CKAP5: variants seen among roughly 807,000 people sequenced by gnomAD.
CKAP5 encodes cytoskeleton associated protein 5, also known as cytoskeleton-associated protein 5.
A neutral mutation model predicts 232.8 loss-of-function variants in CKAP5; 27 were observed. The observed-to-expected ratio is 0.12, with a 90% CI of 0.09 to 0.16. The LOEUF is 0.16. CKAP5 is among the 10% of genes least tolerant of loss of function. CKAP5 has a pLI of 1.00. For missense variants in CKAP5, 1,838 were observed against 2,424.7 expected (o/e 0.76, Z 5.08); for synonymous variants, 785 against 841.1 (o/e 0.93, Z 1.16).
intron 26 of CKAP5, 63 bp from the exon 27 acceptor site, chr11:46,767,726 G>A (rs2065214529): frequency 1.0e-6 from 1 of 982,586 alleles, no homozygotes; most frequent in Admixed American, 2.2e-5. Flanking sequence ...TTTTGGACAG[G>A]TTAAATATAT....
chr11:46,792,110 G>A (rs1938742427), intron 13 of CKAP5, among the ~76,000 whole-genome samples: 1 of 152,100 alleles, frequency 6.6e-6, no homozygotes, highest in African/African-American at 2.4e-5. Flanking sequence ...CCCTAAAAAT[G>A]GAAAATTCTG....
intron 27 of CKAP5, among the ~76,000 whole-genome samples, chr11:46,766,948 A>C (rs1458069205): frequency 1.3e-5 from 2 of 152,208 alleles, no homozygotes; most frequent in Non-Finnish European, 2.9e-5. Flanking sequence ...CCAAATTTGA[A>C]GGAGGTTGAT....
At chr11:46,768,290 A>T (rs1450630485) in intron 26 of CKAP5, among the ~76,000 whole-genome samples, 1 of 152,150 alleles carries the variant, frequency 6.6e-6, no homozygotes, top group Non-Finnish European at 1.5e-5. Flanking sequence ...TCCCTGGCTA[A>T]AACAGTCCTC....
At chr11:46,807,397 A>C (rs1441300973) in intron 8 of CKAP5, among the ~76,000 whole-genome samples, 3 of 152,228 alleles carry the variant, frequency 2.0e-5, no homozygotes, top group Admixed American at 6.5e-5. Context: ...AGACTGAGGA[A>C]GCAAACAAAA....
chr11:46,758,727 A>T (rs1031172520), intron 35 of CKAP5, 196 bp downstream of exon 35: 12 of 519,684 alleles, frequency 2.3e-5, no homozygotes, highest in Admixed American at 7.6e-5. Flanking sequence ...AAAAAAAAAA[A>T]AAAATAAGGC....
At chr11:46,795,258 G>A (rs1379792331) in intron 13 of CKAP5, among the ~76,000 whole-genome samples, 2 of 151,798 alleles carry the variant, frequency 1.3e-5, no homozygotes, top group African/African-American at 4.8e-5. Context: ...AACCTGGGAG[G>A]CGGAGGTTGC....
At chr11:46,787,834 A>G (rs996339946) in intron 16 of CKAP5, among the ~76,000 whole-genome samples, 9 of 152,214 alleles carry the variant, frequency 5.9e-5, no homozygotes, top group Admixed American at 3.3e-4. Context: ...TGAACTGCGA[A>G]GATCCACTTA....
chr11:46,753,224 G>T (rs760870929), intron 37 of CKAP5, 86 bp downstream of exon 37: 3 of 1,059,862 alleles, frequency 2.8e-6, no homozygotes, highest in South Asian at 1.6e-5. Context: ...GGTTGCCTAG[G>T]AAGTTGACTT....
Position 46,759,584 on chromosome 11 carries a change from G to T in CKAP5, c.4395-142C>A, listed in dbSNP as rs1280194718. ...CCCCCTGAATGATTTAAGTCCCTGA[G>T]TCTAAGCAAGTGCCTTTAATAGGTA... is the stretch of plus-strand genomic sequence containing the variant. On this transcript the variant is annotated intron_variant, in intron 33 of 43. Transcript: ENST00000529230. 4.2e-6 allele frequency: 3 copies of T among 721,416 alleles called. No individual in the cohort carries two copies. The East Asian group carries it at 8.2e-5, about 20-fold the overall frequency. 44.7% of individuals were successfully genotyped at this position (721,416 alleles called of 1,614,324 possible).
At chr11:46,789,539 G>A (rs926832388) in intron 15 of CKAP5, among the ~76,000 whole-genome samples, 9 of 152,206 alleles carry the variant, frequency 5.9e-5, no homozygotes, top group African/African-American at 1.9e-4. Context: ...GCTCATGCCT[G>A]TAATCCCAGC....
At chr11:46,842,966 CAAAAAAAAA>C (rs60343444) in intron 1 of CKAP5, among the ~76,000 whole-genome samples, 3 of 39,410 alleles carry the variant, frequency 7.6e-5, no homozygotes, top group South Asian at 2.3e-3. Flanking sequence ...GACTCCGTCT[CAAAAAAAAA>C]AAAAAAAAAA....
chr11:46,824,758 G>C (rs1939614898), intron 1 of CKAP5, among the ~76,000 whole-genome samples: 1 of 152,216 alleles, frequency 6.6e-6, no homozygotes, highest in Non-Finnish European at 1.5e-5. Context: ...TGAGCAGACT[G>C]ATCTGGATTT....
chr11:46,780,537 T>C (rs745699253), intron 18 of CKAP5, 52 bp from the exon 19 acceptor site: 59 of 1,503,676 alleles, frequency 3.9e-5, no homozygotes, highest in Non-Finnish European at 5.1e-5. Flanking sequence ...CTCAAAATAC[T>C]CAATAACGTT....
chr11:46,755,407 C>G (rs937270719), intron 35 of CKAP5, among the ~76,000 whole-genome samples: 1 of 151,668 alleles, frequency 6.6e-6, no homozygotes, highest in Admixed American at 6.6e-5. Context: ...CGGGGTTTCA[C>G]CATGTTGGCC....
intron 28 of CKAP5, among the ~76,000 whole-genome samples, chr11:46,764,298 T>C (rs1317909779): frequency 6.6e-6 from 1 of 152,214 alleles, no homozygotes; most frequent in Non-Finnish European, 1.5e-5. Context: ...CACTCACATA[T>C]GTGTACAAAG....
chr11:46,842,010 A>T (rs909347836), intron 1 of CKAP5, among the ~76,000 whole-genome samples: 10 of 151,796 alleles, frequency 6.6e-5, no homozygotes, highest in African/African-American at 1.2e-4. Flanking sequence ...AAAAAAAAAA[A>T]AAAAAAAAGC....
At position 46,744,068 on chromosome 11, in the gene CKAP5, G is replaced by A. The variant is rs558672229; in HGVS notation, c.6054C>T (p.Asp2018=). The A allele has an allele frequency of 6.2e-6, 10 of 1,613,746 alleles. No individual in the cohort carries two copies. In the East Asian group the frequency reaches 8.9e-5, roughly 14 times the overall value. Reference sequence around the variant, plus strand: ...TTCTCTCCAGTCTTTTTTTCAAGTCGTCTATGTTAGCTGTGGAGGAGGAGG... The same window carrying A: ...TTCTCTCCAGTCTTTTTTTCAAGTCATCTATGTTAGCTGTGGAGGAGGAGG... ...VTSSSSTANI[D]DLKKRLERIK... is the part of the protein sequence containing the mutation. Residue 2018 remains aspartate (D), a synonymous_variant, in exon 44 of 44, where the codon GAC becomes GAT. Coordinates refer to ENST00000529230, the MANE Select transcript of CKAP5 (RefSeq NM_001008938.4).
At chr11:46,755,724 T>C (rs1468133679) in intron 35 of CKAP5, among the ~76,000 whole-genome samples, 1 of 151,152 alleles carries the variant, frequency 6.6e-6, no homozygotes, top group Non-Finnish European at 1.5e-5. Context: ...AGGTCACGAG[T>C]AGGAGATCAG....
intron 8 of CKAP5, 55 bp from the exon 9 acceptor site, chr11:46,801,359 T>C (rs571234876): frequency 1.8e-5 from 24 of 1,367,348 alleles, no homozygotes; most frequent in African/African-American, 1.1e-4. Context: ...TAGAAGGGTA[T>C]TGAAATTTTA....
Sources: gnomAD v4.1 joint callset for allele counts (sites outside exome capture counted in the v4.1 genomes callset) on GRCh38, gnomAD v4.1.1 for gene constraint, MANE v1.5 for transcripts, NCBI Gene and HGNC (gene_info 2026-07-23, HGNC 2026-07-21) for gene names.